NBL1: variants seen among roughly 807,000 people sequenced by gnomAD.
The protein encoded by NBL1 is NBL1, DAN family BMP antagonist, also known as neuroblastoma suppressor of tumorigenicity 1.
NBL1 carries 9 observed loss-of-function variants against 16.0 expected under a neutral mutation model. That is an observed-to-expected ratio of 0.56 (90% CI 0.34 to 0.98). The LOEUF (loss-of-function observed/expected upper bound fraction) is 0.98, where lower values mean the gene tolerates loss of function less well. Ranked by LOEUF, NBL1 falls within the 50% of genes least tolerant of loss-of-function variation. NBL1 has a pLI of 0.02. For synonymous variants in NBL1, 86 were observed against 100.7 expected, an observed-to-expected ratio of 0.85 and a Z score of 0.87; for missense variants, 196 against 243.1, an observed-to-expected ratio of 0.81 and a Z score of 1.29.
At chr1:19,648,254 G>A (rs939796279) in intron 1 of NBL1, among the ~76,000 whole-genome samples, 2 of 152,200 alleles carry the variant, frequency 1.3e-5, no homozygotes, top group African/African-American at 4.8e-5. Context: ...CATTTAGGAT[G>A]CCTTTCCAGG....
chr1:19,650,456 C>G, intron 1 of NBL1, among the ~76,000 whole-genome samples: 1 of 152,226 alleles, frequency 6.6e-6, no homozygotes, highest in East Asian at 1.9e-4. Flanking sequence ...AGCTCCCTGC[C>G]CTCACCCTTG....
intron 1 of NBL1, among the ~76,000 whole-genome samples, chr1:19,650,118 ACAG>A (rs2100416468): frequency 6.6e-6 from 1 of 152,202 alleles, no homozygotes; most frequent in South Asian, 2.1e-4. Flanking sequence ...ACAGTGACCT[ACAG>A]TATTTAGTAC....
upstream of NBL1, chr1:19,643,971 G>T (rs1017121115): frequency 4.6e-5 from 45 of 985,478 alleles, no homozygotes; most frequent in Non-Finnish European, 5.2e-5. The surrounding 1 kb of genome is among the most constrained non-coding windows in gnomAD (Gnocchi z 4.7). Context: ...GTCGGGCGGA[G>T]AGAGTGGAAG....
chr1:19,646,026 G>T, intron 1 of NBL1: 1 of 1,550,628 alleles, frequency 6.4e-7, no homozygotes. Context: ...CGGGCAGGAG[G>T]GTCTGCGGTA....
intron 3 of NBL1, 53 bp from the exon 4 acceptor site, chr1:19,656,813 G>A (rs1188235685): frequency 2.6e-6 from 4 of 1,551,202 alleles, no homozygotes; most frequent in Non-Finnish European, 2.6e-6. Context: ...GGGCTGCCTT[G>A]CCTGCCCCAG....
chr1:19,643,651 T>A, upstream of NBL1: 1 of 1,286,754 alleles, frequency 7.8e-7, no homozygotes, highest in Non-Finnish European at 9.9e-7. The surrounding 1 kb of genome is among the most constrained non-coding windows in gnomAD (Gnocchi z 4.7). Flanking sequence ...GGCTTTTTAG[T>A]TCCTAATAAG....
In NBL1 at chr1:19,644,574, G is replaced by T. The variant is rs1195709446; in HGVS notation, c.-20+128G>T. On this transcript the variant is annotated intron_variant, in intron 1 of 3. Coordinates refer to ENST00000375136, the MANE Select transcript of NBL1 (RefSeq NM_005380.8). This position sits in a 1 kb window ranked among gnomAD's most constrained non-coding sequence, Gnocchi z 4.6. ...CCGGCGGCCGCGGGCACCGGGTGGA[G>T]GCGCCGCCGCCGAGCTCAGGAGCCC... is the stretch of plus-strand genomic sequence containing the variant. 8.4e-6 allele frequency: 4 copies of T among 477,402 alleles called. No homozygotes were observed. The highest frequency in any genetic ancestry group is 1.1e-5 in the Non-Finnish European group (4 of 366,530). 29.6% of individuals were successfully genotyped at this position (477,402 alleles called of 1,614,324 possible). A position where few individuals can be genotyped will look rare whatever the true frequency, so the allele number is the denominator to read the frequency against.
chr1:19,656,780 C>A (rs983559016), intron 3 of NBL1, 86 bp from the exon 4 acceptor site: 95 of 1,467,576 alleles, frequency 6.5e-5, no homozygotes, highest in South Asian at 3.3e-4. Context: ...GATTCTTGAT[C>A]CCATGAGGAA....
rs931908302 is a variant in NBL1, at chr1:19,657,269, G to A, written c.*140G>A. 1 of 551,252 alleles carries A rather than the reference G, an allele frequency of 1.8e-6. No individual in the cohort carries two copies. The highest frequency in any genetic ancestry group is 3.2e-6 in the Non-Finnish European group (1 of 308,316). The allele number at this position is 551,252 out of a possible 1,614,324, so 34.1% of individuals were successfully genotyped here. On this transcript the variant is annotated 3_prime_UTR_variant, in exon 4 of 4. Coordinates refer to ENST00000375136, the MANE Select transcript of NBL1 (RefSeq NM_005380.8). ...CAGACTCGGACTTGAATGCTGCCCGGTTGCCATGGAGATCTGAAGGGGCGG... is the reference window on the plus strand; with the variant it reads ...CAGACTCGGACTTGAATGCTGCCCGATTGCCATGGAGATCTGAAGGGGCGG...
intron 1 of NBL1, among the ~76,000 whole-genome samples, chr1:19,646,808 G>A (rs1340181566): frequency 6.6e-6 from 1 of 152,216 alleles, no homozygotes; most frequent in Non-Finnish European, 1.5e-5. Flanking sequence ...AGGGAATCAT[G>A]TTGGGTGGCC....
chr1:19,645,670 A>G (rs1570542820), intron 1 of NBL1: 1 of 1,201,000 alleles, frequency 8.3e-7, no homozygotes, highest in Non-Finnish European at 1.0e-6. Flanking sequence ...GTTTGCCTTG[A>G]GTTGGGGCCA....
Position 19,644,369 on chromosome 1 carries a change from G to C in NBL1, c.-97G>C, listed in dbSNP as rs924160915. ...CGCGGGGCCGCCCCCCGCCCTGCCG[G>C]CCGCCTCGCCGAGCCTCCTGGGGCG... is the stretch of plus-strand genomic sequence containing the variant. On this transcript the variant is annotated 5_prime_UTR_variant, in exon 1 of 4. Transcript: ENST00000375136. The surrounding 1 kb of genome is among the most constrained non-coding windows in gnomAD (Gnocchi z 4.6). The C allele has an allele frequency of 4.1e-5, 40 of 978,362 alleles. No homozygotes were observed. The African/African-American group carries it at 6.7e-4, about 16-fold the overall frequency. 60.6% of individuals were successfully genotyped at this position (978,362 alleles called of 1,614,324 possible).
intron 3 of NBL1, among the ~76,000 whole-genome samples, chr1:19,656,095 C>T (rs113340482): frequency 6.6e-5 from 10 of 152,214 alleles, no homozygotes; most frequent in South Asian, 2.1e-4. Flanking sequence ...CACCTGCATC[C>T]GGGTGATTTT....
At chr1:19,646,112 C>A (rs982453361) in intron 1 of NBL1, 1 of 1,493,374 alleles carries the variant, frequency 6.7e-7, no homozygotes, top group Non-Finnish European at 9.1e-7. Context: ...GCCTGGGTGG[C>A]ACGGGGTCGG....
At chr1:19,652,817 A>G (rs796935357) in intron 1 of NBL1, among the ~76,000 whole-genome samples, 31 of 151,626 alleles carry the variant, frequency 2.0e-4, no homozygotes, top group African/African-American at 6.5e-4. Context: ...GTGAAACCCC[A>G]TCTCTACTAA....
At chr1:19,643,996 G>A (rs1318174528), upstream of NBL1, 1 of 985,240 alleles carries the variant, frequency 1.0e-6, no homozygotes, top group Non-Finnish European at 1.2e-6. This position sits in a 1 kb window ranked among gnomAD's most constrained non-coding sequence, Gnocchi z 4.7. Context: ...GAGAAACCCG[G>A]GGAGGGCGCT....
In NBL1 at chr1:19,655,005, G is replaced by A. The variant is rs763881820; in HGVS notation, c.-19-7G>A. ...GTGCCTCACCTGGCACCTGTGCTCC[G>A]TTCTAGGGCTCTGGAGGCCACGGGC... On this transcript the variant is annotated splice_region_variant and splice_polypyrimidine_tract_variant and intron_variant, in intron 1 of 3. Coordinates refer to ENST00000375136, the MANE Select transcript of NBL1 (RefSeq NM_005380.8). 1.4e-5 allele frequency: 22 copies of A among 1,584,316 alleles called. No individual in the cohort carries two copies. The highest frequency in any genetic ancestry group is 5.1e-5 in the Admixed American group (3 of 58,904).
intron 1 of NBL1, among the ~76,000 whole-genome samples, chr1:19,651,101 C>G (rs1374256680): frequency 1.3e-5 from 2 of 152,234 alleles, no homozygotes; most frequent in Non-Finnish European, 2.9e-5. Flanking sequence ...AGGGAAGGTG[C>G]AATGCTTCCC....
In NBL1 at chr1:19,644,456, G is replaced by A. The variant is rs993989227; in HGVS notation, c.-20+10G>A. 3.1e-6 allele frequency: 3 copies of A among 978,900 alleles called. No homozygotes were observed. Among genetic ancestry groups the A allele is most frequent in the African/African-American group, 3.5e-5 (2 of 56,512 alleles). The allele number at this position is 978,900 out of a possible 1,614,324, so 60.6% of individuals were successfully genotyped here. On this transcript the variant is annotated intron_variant, in intron 1 of 3. Coordinates refer to ENST00000375136, the MANE Select transcript of NBL1 (RefSeq NM_005380.8). This position sits in a 1 kb window ranked among gnomAD's most constrained non-coding sequence, Gnocchi z 4.6. The stretch of plus-strand genomic sequence containing the variant: ...CCGGCGGGCGCGCGCGGTAAGTCCC[G>A]CCCGGGTCGGCACGCGGGCGCCCGG...
Sources: gnomAD v4.1 joint callset for allele counts (sites outside exome capture counted in the v4.1 genomes callset) on GRCh38, gnomAD v4.1.1 for gene constraint, Gnocchi (gnomAD v3.1) non-coding constraint, MANE v1.5 for transcripts, NCBI Gene and HGNC (gene_info 2026-07-23, HGNC 2026-07-21) for gene names.